FREM2: variants seen among roughly 807,000 people sequenced by gnomAD.
The protein encoded by FREM2 is FRAS1 related extracellular matrix 2.
A neutral mutation model predicts 219.9 loss-of-function variants in FREM2; 119 were observed. The ratio of observed to expected loss-of-function variants is 0.54; its 90% CI spans 0.47 to 0.63. The LOEUF (loss-of-function observed/expected upper bound fraction) is 0.63, where lower values mean the gene tolerates loss of function less well. FREM2 is among the 30% of genes least tolerant of loss of function. The probability of loss-of-function intolerance (pLI) is 0.00; values close to 1 mark genes in which losing one functional copy is unlikely to be tolerated. For synonymous variants in FREM2, 1,562 were observed against 1,522.8 expected, an observed-to-expected ratio of 1.03 and a Z score of -0.60; for missense variants, 4,030 against 3,993.6, an observed-to-expected ratio of 1.01 and a Z score of -0.25.
intron 6 of FREM2, among the ~76,000 whole-genome samples, chr13:38,832,842 C>T (rs1360133372): frequency 6.6e-6 from 1 of 152,034 alleles, no homozygotes; most frequent in African/African-American, 2.4e-5. Context: ...TCCAGGAGTT[C>T]AAGACCAGCC....
chr13:38,869,366 A>G (rs1296332570), intron 16 of FREM2, among the ~76,000 whole-genome samples: 3 of 152,220 alleles, frequency 2.0e-5, no homozygotes, highest in Admixed American at 1.3e-4. Flanking sequence ...GACTACATCT[A>G]GCTTCAGCTA....
At chr13:38,835,082 G>A (rs1391188694) in intron 6 of FREM2, among the ~76,000 whole-genome samples, 1 of 152,124 alleles carries the variant, frequency 6.6e-6, no homozygotes, top group Admixed American at 6.6e-5. Context: ...ATGTCATTAG[G>A]TCTTACATTT....
At chr13:38,842,261 G>A (rs1469806994) in intron 6 of FREM2, among the ~76,000 whole-genome samples, 1 of 152,206 alleles carries the variant, frequency 6.6e-6, no homozygotes, top group African/African-American at 2.4e-5. Flanking sequence ...GCAAAGTTGA[G>A]AGGCTTTCAG....
At chr13:38,718,483 G>A (rs1361755005) in intron 2 of FREM2, among the ~76,000 whole-genome samples, 1 of 152,086 alleles carries the variant, frequency 6.6e-6, no homozygotes, top group Non-Finnish European at 1.5e-5. Context: ...TGGAAATAAA[G>A]CATGGTTTGG....
chr13:38,739,623 T>C (rs1406514768), intron 2 of FREM2, among the ~76,000 whole-genome samples: 1 of 152,062 alleles, frequency 6.6e-6, no homozygotes, highest in Admixed American at 6.6e-5. Context: ...TTCCAGGAAG[T>C]CTCCTCTCAA....
At chr13:38,865,499 C>T (rs1003174411) in intron 16 of FREM2, among the ~76,000 whole-genome samples, 14 of 152,186 alleles carry the variant, frequency 9.2e-5, no homozygotes, top group African/African-American at 3.4e-4. Context: ...ATATAATGCC[C>T]TTCCAGATTG....
chr13:38,805,835 A>G (rs1875204662), intron 6 of FREM2, among the ~76,000 whole-genome samples: 1 of 151,970 alleles, frequency 6.6e-6, no homozygotes, highest in African/African-American at 2.4e-5. Context: ...AAGTACATTA[A>G]TGGAATTGTC....
Position 38,784,578 on chromosome 13 carries a change from C to T in FREM2, c.5789C>T (p.Pro1930Leu), listed in dbSNP as rs114524483. The T allele has an allele frequency of 1.1e-4, 170 of 1,614,116 alleles. No homozygotes were observed. Among genetic ancestry groups the T allele is most frequent in the Non-Finnish European group, 1.2e-4 (146 of 1,179,976 alleles). Residue 1930 changes from proline (P) to leucine (L), a missense_variant, in exon 6 of 24, where the codon CCG becomes CTG. This residue lies in a region of FREM2 where 3,102 missense variants were observed against 2,950.7 expected (regional missense o/e 1.05). Transcript: ENST00000280481. ...CCAGGAACAGCAACTGGAACTGTGCCGACTTCCGTGTTGTCTTACTCTGAT... is the reference window on the plus strand; with the variant it reads ...CCAGGAACAGCAACTGGAACTGTGCTGACTTCCGTGTTGTCTTACTCTGAT... Reference protein sequence around the residue: ...TQQGTATGTVPTSVLSYSDYI... With the variant: ...TQQGTATGTVLTSVLSYSDYI...
chr13:38,854,116 G>A (rs5005189), intron 11 of FREM2, among the ~76,000 whole-genome samples: 15,895 of 146,208 alleles, frequency 0.11, 1,084 homozygotes, highest in Admixed American at 0.2. Context: ...TGAGTTCTTT[G>A]CAAAAAAAAA....
In FREM2 at chr13:38,688,081, G is replaced by C; in HGVS notation, c.737G>C (p.Gly246Ala). ...CAGGTCCCTGGAGGAGCCAGAGAGG[G>C]AGGCGCCCCGGAGACTCTCCTGATG... ...YPQVPGGARE[G>A]GAPETLLMDC... Residue 246 changes from glycine to alanine, a missense_variant, in exon 1 of 24, where the codon GGA (glycine) becomes GCA (alanine). This residue lies in a region of FREM2 where 3,102 missense variants were observed against 2,950.7 expected (regional missense o/e 1.05). Transcript: ENST00000280481. 1 of 1,608,950 alleles carries C rather than the reference G, an allele frequency of 6.2e-7. No individual in the cohort carries two copies. Among genetic ancestry groups the C allele is most frequent in the Non-Finnish European group, 8.5e-7 (1 of 1,176,034 alleles).
chr13:38,868,040 G>A (rs147339594), intron 16 of FREM2, among the ~76,000 whole-genome samples: 3 of 152,170 alleles, frequency 2.0e-5, no homozygotes, highest in African/African-American at 4.8e-5. Context: ...CATAGATGGC[G>A]GTCCCATTTT....
In FREM2 at chr13:38,862,293, A is replaced by T. The variant is rs569572970; in HGVS notation, c.7651+731A>T. On this transcript the variant is annotated intron_variant, in intron 15 of 23. Coordinates refer to ENST00000280481, the MANE Select transcript of FREM2 (RefSeq NM_207361.6). ...AGAACATCTGCTATGTCTTCCTATTACAACCTGAGATTTTTCTGGGGATTG... is the reference window on the plus strand; with the variant it reads ...AGAACATCTGCTATGTCTTCCTATTTCAACCTGAGATTTTTCTGGGGATTG... Among the ~76,000 whole-genome samples, 5 of 152,320 alleles carry T rather than the reference A, an allele frequency of 3.3e-5. No homozygotes were observed. The South Asian group carries it at 1.0e-3, about 32-fold the overall frequency.
intron 2 of FREM2, among the ~76,000 whole-genome samples, chr13:38,751,891 TGTGTG>T (rs750680362): frequency 6.1e-4 from 92 of 150,686 alleles, no homozygotes; most frequent in African/African-American, 2.1e-3. Flanking sequence ...TGTGTGTGTG[TGTGTG>T]TTTTCCTTTT....
At chr13:38,737,589 A>G (rs1273645461) in intron 2 of FREM2, among the ~76,000 whole-genome samples, 2 of 152,348 alleles carry the variant, frequency 1.3e-5, no homozygotes, top group East Asian at 3.9e-4. Flanking sequence ...AGAAAATAGG[A>G]TACAGCAGTG....
At chr13:38,729,060 C>T (rs959536439) in intron 2 of FREM2, among the ~76,000 whole-genome samples, 3 of 152,226 alleles carry the variant, frequency 2.0e-5, no homozygotes, top group African/African-American at 7.2e-5. Flanking sequence ...GTCTTGAACT[C>T]CCGACCTCAG....
intron 1 of FREM2, among the ~76,000 whole-genome samples, chr13:38,695,926 C>A (rs1044336923): frequency 2.6e-5 from 4 of 152,024 alleles, no homozygotes; most frequent in Non-Finnish European, 5.9e-5. Flanking sequence ...AAAAAAAAAT[C>A]CCAGAAGTTT....
At chr13:38,823,937 A>T (rs755905396) in intron 6 of FREM2, among the ~76,000 whole-genome samples, 2 of 152,154 alleles carry the variant, frequency 1.3e-5, no homozygotes, top group African/African-American at 2.4e-5. Context: ...TTGCAAAAAG[A>T]AGGGCATTGG....
At chr13:38,825,896 T>A (rs1423493967) in intron 6 of FREM2, among the ~76,000 whole-genome samples, 1 of 152,148 alleles carries the variant, frequency 6.6e-6, no homozygotes, top group Non-Finnish European at 1.5e-5. Context: ...TTAGACAGGT[T>A]TTTATTCTCT....
intron 5 of FREM2, among the ~76,000 whole-genome samples, chr13:38,783,964 G>A (rs186939002): frequency 2.6e-5 from 4 of 152,202 alleles, no homozygotes; most frequent in East Asian, 1.9e-4. Context: ...GCATGGTGGC[G>A]CGCACGCGCC....
Sources: allele counts gnomAD v4.1 joint callset (sites outside exome capture counted in the v4.1 genomes callset), GRCh38; gene constraint gnomAD v4.1.1; regional missense constraint gnomAD v4.1.1; transcripts MANE v1.5; gene names NCBI Gene and HGNC (gene_info 2026-07-23, HGNC 2026-07-21).